PARVB: variants seen among roughly 807,000 people sequenced by gnomAD.
PARVB encodes parvin beta, also known as beta-parvin.
In PARVB, 46 loss-of-function variants were observed where a neutral mutation model predicts 47.0. The observed-to-expected ratio is 0.98, with a 90% CI of 0.77 to 1.25. PARVB has a LOEUF of 1.25. Among genes scored for constraint, PARVB ranks in the 50% most tolerant of loss-of-function variants. The pLI is 0.00. For missense variants in PARVB, 473 were observed against 471.6 expected (o/e 1.00, Z -0.03); for synonymous variants, 196 against 196.3 (o/e 1.00, Z 0.01).
intron 1 of PARVB, among the ~76,000 whole-genome samples, chr22:44,033,828 G>A (rs1015419771): frequency 7.2e-5 from 11 of 152,254 alleles, no homozygotes; most frequent in Middle Eastern, 3.4e-3. Context: ...TAGGGCCTGC[G>A]TACGTTGCTT....
chr22:44,102,846 G>T (rs778777136), intron 3 of PARVB: 3 of 152,208 alleles, frequency 2.0e-5, no homozygotes, highest in African/African-American at 7.3e-5. Flanking sequence ...GCAAGACCCT[G>T]TCTCAAAAAA....
chr22:44,021,802 CACACACACACACACAG>C (rs1279599701), upstream of PARVB, among the ~76,000 whole-genome samples: 7 of 142,380 alleles, frequency 4.9e-5, no homozygotes, highest in African/African-American at 1.6e-4. Context: ...CACACACACA[CACACACACACACACAG>C]GGCCTAGTAG....
chr22:44,052,660 G>A (rs958402990), intron 1 of PARVB, among the ~76,000 whole-genome samples: 17 of 152,158 alleles, frequency 1.1e-4, no homozygotes, highest in Admixed American at 5.2e-4. Context: ...AGTAGGTGGG[G>A]GGCTGGGTGT....
At chr22:44,044,426 G>A (rs559333729) in intron 1 of PARVB, among the ~76,000 whole-genome samples, 8 of 152,018 alleles carry the variant, frequency 5.3e-5, no homozygotes, top group African/African-American at 1.9e-4. Context: ...TCCTGACCTC[G>A]TGATCCGCCC....
chr22:44,075,674 G>A (rs1030421126), intron 1 of PARVB, among the ~76,000 whole-genome samples: 1 of 152,220 alleles, frequency 6.6e-6, no homozygotes, highest in African/African-American at 2.4e-5. Flanking sequence ...CCACAGGGTC[G>A]TGCAGTTGGG....
upstream of PARVB, among the ~76,000 whole-genome samples, chr22:44,022,730 CTTTT>C (rs1016792971): frequency 6.1e-5 from 9 of 146,630 alleles, no homozygotes; most frequent in African/African-American, 2.4e-4. Flanking sequence ...CCTCCTACTT[CTTTT>C]TTTTTATTTT....
intron 1 of PARVB, among the ~76,000 whole-genome samples, chr22:44,028,763 G>C (rs2050775050): frequency 6.6e-6 from 1 of 152,220 alleles, no homozygotes; most frequent in Non-Finnish European, 1.5e-5. Context: ...TGGCGAACGA[G>C]AGTCCTGGCT....
intron 1 of PARVB, chr22:44,039,745 C>G: frequency 2.5e-6 from 1 of 400,340 alleles, no homozygotes; most frequent in South Asian, 1.8e-5. Context: ...GGAAATCACC[C>G]GAGACTCTCA....
chr22:44,124,718 G>T (rs868471640), intron 4 of PARVB, among the ~76,000 whole-genome samples: 1 of 152,214 alleles, frequency 6.6e-6, no homozygotes, highest in Admixed American at 6.5e-5. Flanking sequence ...CATCCTGGTG[G>T]AAGGGTCTCC....
intron 2 of PARVB, among the ~76,000 whole-genome samples, chr22:44,007,407 C>T (rs779023019): frequency 2.1e-4 from 32 of 152,294 alleles, no homozygotes; most frequent in Middle Eastern, 3.4e-3. Context: ...AATTTCCAGT[C>T]GTGGGTCATG....
intron 11 of PARVB, among the ~76,000 whole-genome samples, chr22:44,161,842 C>A (rs897850216): frequency 2.0e-5 from 3 of 152,264 alleles, no homozygotes; most frequent in South Asian, 2.1e-4. Context: ...ACTCCTCCCC[C>A]ATTGCCAGTG....
rs1028739062 is a variant in PARVB at position 44,089,906 on chromosome 22, A to G, written c.113-4022A>G. On this transcript the variant is annotated intron_variant, in intron 1 of 12. Coordinates refer to ENST00000338758, the MANE Select transcript of PARVB (RefSeq NM_013327.5). This position sits in a 1 kb window ranked among gnomAD's most constrained non-coding sequence, Gnocchi z 4.0. ...CTGGCCATATTTCAAGGCCAGTTCAATTGCTGCCTCCTCCAGGAAGCCCTC... is the reference window on the plus strand; with the variant it reads ...CTGGCCATATTTCAAGGCCAGTTCAGTTGCTGCCTCCTCCAGGAAGCCCTC... 7.2e-5 allele frequency among the ~76,000 whole-genome samples: 11 copies of G among 152,088 alleles called. No homozygotes were observed. Among genetic ancestry groups the G allele is most frequent in the Non-Finnish European group, 1.6e-4 (11 of 68,008 alleles).
intron 2 of PARVB, among the ~76,000 whole-genome samples, chr22:44,098,444 G>A (rs942123748): frequency 7.9e-5 from 12 of 152,162 alleles, no homozygotes; most frequent in Non-Finnish European, 1.3e-4. Flanking sequence ...GTCAGACAGC[G>A]GGAGCAGGTG....
At position 44,122,496 on chromosome 22, in the gene PARVB, GAGAGAGAGAGAGAGAGAGAGAGAC is replaced by G. The variant is rs2053071876; in HGVS notation, c.376+3364_376+3387del. On this transcript the variant is annotated intron_variant, in intron 4 of 12. Coordinates refer to ENST00000338758, the MANE Select transcript of PARVB (RefSeq NM_013327.5). ...GTGAGACCCTGTCGATCAAGAGAGA[GAGAGAGAGAGAGAGAGAGAGAGAC>G]AGAGAGACAGAGAGAGAGAGAGAGA... 2.4e-4 allele frequency among the ~76,000 whole-genome samples: 21 copies of G among 86,642 alleles called. No homozygotes were observed. In the Admixed American group the frequency reaches 2.5e-3, roughly 10 times the overall value. The allele number at this position is 86,642 out of a possible 152,430, so 56.8% of individuals were successfully genotyped here.
chr22:44,161,850 G>A (rs576790502), intron 11 of PARVB, among the ~76,000 whole-genome samples: 1 of 152,222 alleles, frequency 6.6e-6, no homozygotes, highest in Non-Finnish European at 1.5e-5. Flanking sequence ...CCCATTGCCA[G>A]TGTTTGGCCA....
intron 6 of PARVB, among the ~76,000 whole-genome samples, 190 bp from the exon 7 acceptor site, chr22:44,136,270 A>G (rs2053438460): frequency 6.6e-6 from 1 of 152,074 alleles, no homozygotes; most frequent in South Asian, 2.1e-4. Context: ...TGGTCGCTGA[A>G]AGGCACCCTG....
intron 1 of PARVB, among the ~76,000 whole-genome samples, chr22:44,037,242 G>T (rs1252412589): frequency 6.6e-6 from 1 of 151,838 alleles, no homozygotes; most frequent in Non-Finnish European, 1.5e-5. Context: ...GGCCAACATG[G>T]TGAAACCTTG....
chr22:44,002,995 T>A (rs1272925587), intron 2 of PARVB, among the ~76,000 whole-genome samples: 1 of 152,194 alleles, frequency 6.6e-6, no homozygotes, highest in African/African-American at 2.4e-5. Flanking sequence ...AGAAAAATAG[T>A]CATGATTTTT....
Position 44,171,712 on chromosome 22 carries a change from A to G in PARVB, c.*3034A>G, listed in dbSNP as rs747085699. ...CCACGTCACACTCTTGTGGGTTTCAAGTCGAACAGTAAAAGGAATCATAAG... is the reference window on the plus strand; with the variant it reads ...CCACGTCACACTCTTGTGGGTTTCAGGTCGAACAGTAAAAGGAATCATAAG... On this transcript the variant is annotated 3_prime_UTR_variant, in exon 13 of 13. Transcript: ENST00000338758. 6.6e-6 allele frequency: 1 copy of G among 151,970 alleles called. No homozygotes were observed. Among genetic ancestry groups the G allele is most frequent in the African/African-American group, 2.4e-5 (1 of 41,364 alleles). 9.4% of individuals were successfully genotyped at this position (151,970 alleles called of 1,614,324 possible). A position where few individuals can be genotyped will look rare whatever the true frequency, so the allele number is the denominator to read the frequency against.
Sources: gnomAD v4.1 joint callset for allele counts (sites outside exome capture counted in the v4.1 genomes callset) on GRCh38, gnomAD v4.1.1 for gene constraint, Gnocchi (gnomAD v3.1) non-coding constraint, MANE v1.5 for transcripts, NCBI Gene and HGNC (gene_info 2026-07-23, HGNC 2026-07-21) for gene names.